AADACL4: variants seen among roughly 807,000 people sequenced by gnomAD.
AADACL4 encodes arylacetamide deacetylase like 4.
AADACL4 carries 9 observed loss-of-function variants against 14.1 expected under a neutral mutation model. The ratio of observed to expected loss-of-function variants is 0.64; its 90% confidence interval spans 0.39 to 1.12. The LOEUF is 1.12. Ranked by LOEUF, AADACL4 falls within the 50% of genes most tolerant of loss-of-function variation. AADACL4 has a pLI of 0.01. For synonymous variants in AADACL4, 188 were observed against 201.6 expected (o/e 0.93, Z 0.57); for missense variants, 531 against 516.1 (o/e 1.03, Z -0.28).
chr1:12,646,605 G>A (rs564414722), intron 1 of AADACL4, among the ~76,000 whole-genome samples: 1 of 152,198 alleles, frequency 6.6e-6, no homozygotes, highest in African/African-American at 2.4e-5. Flanking sequence ...TTGGGTTAGA[G>A]CCCCAGGATT....
intron 2 of AADACL4, among the ~76,000 whole-genome samples, chr1:12,654,815 GA>G (rs1373864395): frequency 2.6e-5 from 4 of 152,194 alleles, no homozygotes; most frequent in Non-Finnish European, 5.9e-5. Context: ...GTGGTCCTAA[GA>G]CTAACCTTTG....
intron 2 of AADACL4, among the ~76,000 whole-genome samples, chr1:12,654,353 G>A (rs56955833): frequency 0.011 from 1,601 of 152,340 alleles, 26 homozygotes; most frequent in African/African-American, 0.037. Flanking sequence ...CTTCTGATTT[G>A]AGAGGATATT....
chr1:12,664,411 G>A (rs928576819), intron 3 of AADACL4, among the ~76,000 whole-genome samples: 1 of 150,306 alleles, frequency 6.7e-6, no homozygotes, highest in East Asian at 2.0e-4. Flanking sequence ...CTCTCTCCCA[G>A]GCTGGAGTGC....
chr1:12,664,654 G>C (rs117718243), intron 3 of AADACL4, among the ~76,000 whole-genome samples: 1 of 152,052 alleles, frequency 6.6e-6, no homozygotes, highest in South Asian at 2.1e-4. Flanking sequence ...GCCACCGCCC[G>C]GCCTTGATGT....
At chr1:12,652,447 G>A (rs1391316418) in intron 2 of AADACL4, among the ~76,000 whole-genome samples, 1 of 152,170 alleles carries the variant, frequency 6.6e-6, no homozygotes, top group Non-Finnish European at 1.5e-5. Flanking sequence ...TGATACCGGT[G>A]GGCTGGGGGA....
intron 1 of AADACL4, among the ~76,000 whole-genome samples, chr1:12,650,302 T>C (rs1647137010): frequency 6.6e-6 from 1 of 152,228 alleles, no homozygotes; most frequent in African/African-American, 2.4e-5. Context: ...GTGACCGTAT[T>C]AGTTTAAAAA....
In AADACL4 at chr1:12,666,807, T is replaced by A. The variant is rs1647351406; in HGVS notation, c.*72T>A. 7.0e-7 allele frequency: 1 copy of A among 1,428,806 alleles called. No homozygotes were observed. The highest frequency in any genetic ancestry group is 1.4e-5 in the South Asian group (1 of 73,210). 88.5% of individuals were successfully genotyped at this position (1,428,806 alleles called of 1,614,324 possible). A position where few individuals can be genotyped will look rare whatever the true frequency, so the allele number is the denominator to read the frequency against. On this transcript the variant is annotated 3_prime_UTR_variant, in exon 4 of 4. Coordinates refer to ENST00000376221, the MANE Select transcript of AADACL4 (RefSeq NM_001013630.2). ...CCAGAAACCGGGTGCTTTAGTGAGT[T>A]CTATTTTATTGACTAAAGAGGTGCT... is the stretch of plus-strand genomic sequence containing the variant.
In AADACL4 at chr1:12,658,422, A is replaced by T. The variant is rs1219322311; in HGVS notation, c.386-3369A>T. Among the ~76,000 whole-genome samples, 4 of 151,814 alleles carry T rather than the reference A, an allele frequency of 2.6e-5. No individual in the cohort carries two copies. In the East Asian group the frequency reaches 7.7e-4, roughly 29 times the overall value. ...TACAGGCGCGTGCCACCACACCTGG[A>T]TAATTTTTGTATTTTTAGTAGAGAC... On this transcript the variant is annotated intron_variant, in intron 2 of 3. Transcript: ENST00000376221.
chr1:12,666,330 AC>A lies in AADACL4; in HGVS notation c.824del (p.Pro275GlnfsTer39). ...ACGCCATCTTGAACGGCACTTGTGT[AC>A]CCCCAGACGTCTGGAGGAAGTACGA... ...RDAILNGTCV[P>X]PDVWRKYEKW... On this transcript the variant is annotated frameshift_variant, in exon 4 of 4. Coordinates refer to ENST00000376221, the MANE Select transcript of AADACL4 (RefSeq NM_001013630.2). LOFTEE classifies it low-confidence loss of function (END_TRUNC). 1 of 1,614,090 alleles carries A rather than the reference AC, an allele frequency of 6.2e-7. No homozygotes were observed.
chr1:12,645,245 TCCTCCCTCCCTCCCTC>T (rs375922335), intron 1 of AADACL4, among the ~76,000 whole-genome samples: 1 of 75,878 alleles, frequency 1.3e-5, no homozygotes, highest in Admixed American at 1.6e-4. Context: ...CTTCCTTCCC[TCCTCCCTCCCTCCCTC>T]CCTCCCTCCC....
intron 3 of AADACL4, among the ~76,000 whole-genome samples, chr1:12,664,573 G>T (rs1012036590): frequency 1.3e-5 from 2 of 152,100 alleles, no homozygotes; most frequent in East Asian, 3.9e-4. Context: ...CACCATGTTG[G>T]CCAGGCTGGT....
chr1:12,657,013 C>T (rs1647181708), intron 2 of AADACL4, among the ~76,000 whole-genome samples: 1 of 151,954 alleles, frequency 6.6e-6, no homozygotes, highest in Non-Finnish European at 1.5e-5. Context: ...CATGGTGACA[C>T]ATGCCTATAG....
chr1:12,662,535 A>G (rs1456560331), intron 3 of AADACL4, among the ~76,000 whole-genome samples: 1 of 152,214 alleles, frequency 6.6e-6, no homozygotes, highest in African/African-American at 2.4e-5. Flanking sequence ...CTATAAAAAC[A>G]AAAGGGAGAT....
chr1:12,644,759 C>G, intron 1 of AADACL4, 45 bp downstream of exon 1: 1 of 1,589,576 alleles, frequency 6.3e-7, no homozygotes, highest in East Asian at 2.2e-5. Flanking sequence ...GGCTTCTTCT[C>G]TTGTTCTCAG....
At chr1:12,656,867 A>G (rs931981687) in intron 2 of AADACL4, among the ~76,000 whole-genome samples, 32 of 152,240 alleles carry the variant, frequency 2.1e-4, no homozygotes, top group Admixed American at 1.9e-3. Flanking sequence ...AAGGCTGGGC[A>G]TGGTAGCTTA....
chr1:12,657,288 A>G (rs1447545292), intron 2 of AADACL4, among the ~76,000 whole-genome samples: 1 of 152,066 alleles, frequency 6.6e-6, no homozygotes, highest in Non-Finnish European at 1.5e-5. Flanking sequence ...GGCAGGCTGT[A>G]GCTAGCTCCA....
intron 2 of AADACL4, among the ~76,000 whole-genome samples, chr1:12,656,635 C>T (rs1034059789): frequency 4.6e-5 from 7 of 152,170 alleles, no homozygotes; most frequent in African/African-American, 1.2e-4. Context: ...AAGAGAAAAT[C>T]ACAACAGTAA....
At chr1:12,660,466 C>T (rs183400795) in intron 2 of AADACL4, among the ~76,000 whole-genome samples, 232 of 152,230 alleles carry the variant, frequency 1.5e-3, no homozygotes, top group African/African-American at 5.3e-3. Context: ...GAAACAGGGA[C>T]TACCTGACAT....
intron 1 of AADACL4, among the ~76,000 whole-genome samples, chr1:12,648,358 T>A (rs1647124757): frequency 6.7e-6 from 1 of 148,916 alleles, no homozygotes; most frequent in African/African-American, 2.6e-5. Flanking sequence ...CCTTCCTTCC[T>A]TCCTTCCTTC....
Sources: gnomAD v4.1 joint callset for allele counts (sites outside exome capture counted in the v4.1 genomes callset) on GRCh38, gnomAD v4.1.1 for gene constraint, MANE v1.5 for transcripts, NCBI Gene and HGNC (gene_info 2026-07-23, HGNC 2026-07-21) for gene names.